Variants in TMEM132D observed in about 807,000 individuals in gnomAD.
TMEM132D encodes mature OL transmembrane protein.
TMEM132D carries 21 observed loss-of-function variants against 62.3 expected under a neutral mutation model. The observed-to-expected ratio is 0.34, with a 90% confidence interval of 0.24 to 0.49. The LOEUF (loss-of-function observed/expected upper bound fraction) is 0.49. Among genes scored for constraint, TMEM132D ranks in the 20% least tolerant of loss-of-function variants. The probability of loss-of-function intolerance (pLI) is 0.99; values close to 1 mark genes in which losing one functional copy is unlikely to be tolerated. For missense variants in TMEM132D, 1,346 were observed against 1,402.8 expected (o/e 0.96, Z 0.65); for synonymous variants, 621 against 575.6 (o/e 1.08, Z -1.13).
At chr12:129,592,209 T>C (rs2137135737) in intron 2 of TMEM132D, among the ~76,000 whole-genome samples, 2 of 123,872 alleles carry the variant, frequency 1.6e-5, no homozygotes, top group South Asian at 5.8e-4. Flanking sequence ...GAATATAATG[T>C]CCATCTGATT....
intron 5 of TMEM132D, among the ~76,000 whole-genome samples, chr12:129,201,139 A>G (rs1259358777): frequency 3.3e-5 from 5 of 152,220 alleles, no homozygotes; most frequent in African/African-American, 1.2e-4. Context: ...ATCAGTGGAC[A>G]TTTCTGAAAT....
intron 3 of TMEM132D, among the ~76,000 whole-genome samples, chr12:129,378,013 T>C (rs765833166): frequency 3.3e-5 from 5 of 152,244 alleles, no homozygotes; most frequent in Non-Finnish European, 5.9e-5. Context: ...CATCATGTTA[T>C]CTTGTCATCT....
At chr12:129,482,730 T>A (rs779272253) in intron 3 of TMEM132D, among the ~76,000 whole-genome samples, 2 of 152,302 alleles carry the variant, frequency 1.3e-5, no homozygotes, top group Middle Eastern at 3.4e-3. Context: ...CATTTGAGGG[T>A]ACTTGCAAAG....
chr12:129,792,704 G>T (rs1374955518), intron 1 of TMEM132D, among the ~76,000 whole-genome samples: 1 of 152,172 alleles, frequency 6.6e-6, no homozygotes, highest in Non-Finnish European at 1.5e-5. Context: ...TTTGTAAGAG[G>T]ACTCTAACTT....
At position 129,612,476 on chromosome 12, in the gene TMEM132D, G is replaced by A. The variant is rs1878802564; in HGVS notation, c.969-81271C>T. On this transcript the variant is annotated intron_variant, in intron 2 of 8. Coordinates refer to ENST00000422113, the MANE Select transcript of TMEM132D (RefSeq NM_133448.3). ...AAAAATAAAAAATCCTGTTAAAACT[G>A]GGCTAATGATTTCTTCGACAGGGCA... is the stretch of plus-strand genomic sequence containing the variant. Among the ~76,000 whole-genome samples, 3 of 152,242 alleles carry A rather than the reference G, an allele frequency of 2.0e-5. No homozygotes were observed. The South Asian group carries it at 6.2e-4, about 32-fold the overall frequency.
intron 5 of TMEM132D, among the ~76,000 whole-genome samples, chr12:129,106,162 T>C (rs1207709403): frequency 3.3e-5 from 5 of 150,254 alleles, no homozygotes; most frequent in Middle Eastern, 3.4e-3. Context: ...TAAACTATCG[T>C]AAGAACAAAA....
rs181741247 is a variant in TMEM132D, at chr12:129,266,769, C to T, written c.1300-57106G>A. Among the ~76,000 whole-genome samples, 17 of 152,102 alleles carry T rather than the reference C, an allele frequency of 1.1e-4. No homozygotes were observed. The East Asian group carries it at 1.9e-3, about 17-fold the overall frequency. ...CAACCTCCTACATCCAATCCATTGC[C>T]CAACATTAAGATTGACCTCCTAAAT... On this transcript the variant is annotated intron_variant, in intron 4 of 8. Transcript: ENST00000422113.
chr12:129,868,261 G>A lies in TMEM132D; in HGVS notation c.79+35000C>T, dbSNP rs544215110. On this transcript the variant is annotated intron_variant, in intron 1 of 8. Coordinates refer to ENST00000422113, the MANE Select transcript of TMEM132D (RefSeq NM_133448.3). ...CAGCGTTTCTAGGGAACACACATGA[G>A]ACAGCATTTCTATGGTACACACATG... is the stretch of plus-strand genomic sequence containing the variant. Among the ~76,000 whole-genome samples the A allele has an allele frequency of 6.2e-4, 95 of 152,258 alleles. 1 individual carries two copies. In the South Asian group the frequency reaches 8.7e-3, roughly 14 times the overall value.
intron 1 of TMEM132D, among the ~76,000 whole-genome samples, chr12:129,712,034 T>C (rs1316119537): frequency 6.6e-6 from 1 of 151,958 alleles, no homozygotes; most frequent in Non-Finnish European, 1.5e-5. Flanking sequence ...TTATTTCTTA[T>C]TTAGTAAATA....
At chr12:129,161,996 G>C (rs1877413229) in intron 5 of TMEM132D, among the ~76,000 whole-genome samples, 1 of 152,108 alleles carries the variant, frequency 6.6e-6, no homozygotes, top group South Asian at 2.1e-4. Context: ...CAATTTTGTT[G>C]GGAAACATGT....
At chr12:129,493,094 C>T in intron 3 of TMEM132D, among the ~76,000 whole-genome samples, 1 of 152,202 alleles carries the variant, frequency 6.6e-6, no homozygotes. Flanking sequence ...TGAAGGTCAA[C>T]ATGTGCCTGT....
rs185605973 is a variant in TMEM132D at position 129,344,343 on chromosome 12, C to A, written c.1116-6526G>T. Among the ~76,000 whole-genome samples the A allele has an allele frequency of 3.9e-5, 6 of 152,234 alleles. No individual in the cohort carries two copies. The East Asian group carries it at 1.2e-3, about 30-fold the overall frequency. ...TTGGGGTCCTGTAACCTACTTCTGG[C>A]AAACCCCAAATGGATGATACTGAAG... On this transcript the variant is annotated intron_variant, in intron 3 of 8. Coordinates refer to ENST00000422113, the MANE Select transcript of TMEM132D (RefSeq NM_133448.3).
intron 1 of TMEM132D, among the ~76,000 whole-genome samples, chr12:129,836,521 CGTGT>C (rs946944468): frequency 2.0e-5 from 3 of 150,368 alleles, no homozygotes; most frequent in East Asian, 2.0e-4. Flanking sequence ...TGTGTGCGCG[CGTGT>C]GTGTGTGTAC....
intron 5 of TMEM132D, among the ~76,000 whole-genome samples, chr12:129,090,144 G>T (rs745548437): frequency 1.3e-5 from 2 of 152,164 alleles, no homozygotes; most frequent in Non-Finnish European, 2.9e-5. Context: ...GCCCAGGTCC[G>T]GTTAAGAGTG....
At chr12:129,077,918 CACACAACACACATAT>C (rs1264453706) in intron 8 of TMEM132D, among the ~76,000 whole-genome samples, 1 of 152,144 alleles carries the variant, frequency 6.6e-6, no homozygotes, top group Non-Finnish European at 1.5e-5. Flanking sequence ...AACACATAGA[CACACAACACACATAT>C]ACATATGCAC....
intron 4 of TMEM132D, among the ~76,000 whole-genome samples, chr12:129,315,223 C>T (rs1471795756): frequency 1.3e-5 from 2 of 152,188 alleles, no homozygotes; most frequent in East Asian, 1.9e-4. Flanking sequence ...TCTTGTTCCA[C>T]TTCTCAGAGG....
chr12:129,396,268 T>C lies in TMEM132D; in HGVS notation c.1116-58451A>G, dbSNP rs552335693. Reference sequence around the variant, plus strand: ...GGAACAGCGGGTAGAGGCATGGGATTGGAGATGATGGTTGTGGCGGACACT... The same window carrying C: ...GGAACAGCGGGTAGAGGCATGGGATCGGAGATGATGGTTGTGGCGGACACT... On this transcript the variant is annotated intron_variant, in intron 3 of 8. Transcript: ENST00000422113. Among the ~76,000 whole-genome samples, 510 of 152,220 alleles carry C rather than the reference T, an allele frequency of 3.4e-3. 2 individuals are homozygous for C. Among genetic ancestry groups the C allele is most frequent in the Middle Eastern group, 6.8e-3 (2 of 294 alleles).
rs531262462 is a variant in TMEM132D, at chr12:129,718,347, G to A, written c.80-17649C>T. 3.8e-3 allele frequency among the ~76,000 whole-genome samples: 582 copies of A among 152,310 alleles called. 5 individuals carry two copies. Among genetic ancestry groups the A allele is most frequent in the Non-Finnish European group, 7.0e-3 (478 of 68,028 alleles). On this transcript the variant is annotated intron_variant, in intron 1 of 8. Coordinates refer to ENST00000422113, the MANE Select transcript of TMEM132D (RefSeq NM_133448.3). The stretch of plus-strand genomic sequence containing the variant: ...CTGGACCACTGCAGGGTCCAGGGAG[G>A]GGAGGGGAAGGGGGCTCCCCAGAGG...
intron 2 of TMEM132D, among the ~76,000 whole-genome samples, chr12:129,664,314 C>T (rs370452287): frequency 8.9e-4 from 136 of 152,238 alleles, no homozygotes; most frequent in Admixed American, 4.0e-3. Context: ...GAATGGGAAC[C>T]AGCTTTAGCT....
Sources: allele counts gnomAD v4.1 joint callset (sites outside exome capture counted in the v4.1 genomes callset), GRCh38; gene constraint gnomAD v4.1.1; transcripts MANE v1.5; gene names NCBI Gene and HGNC (gene_info 2026-07-23, HGNC 2026-07-21).